SAMMSON: variants seen among roughly 807,000 people sequenced by gnomAD.
SAMMSON encodes survival associated mitochondrial melanoma specific oncogenic non-coding RNA.
intron 4 of SAMMSON, among the ~76,000 whole-genome samples, chr3:70,194,378 T>C (rs1173081114): frequency 6.6e-6 from 1 of 152,256 alleles, no homozygotes. Context: ...TTGTATTTAA[T>C]CAATAACCAC....
intron 4 of SAMMSON, among the ~76,000 whole-genome samples, chr3:70,208,344 G>T (rs1277415681): frequency 6.6e-6 from 1 of 152,024 alleles, no homozygotes; most frequent in Non-Finnish European, 1.5e-5. Context: ...GCAGCTCAGT[G>T]CAAGGAACAT....
At chr3:70,112,295 G>T (rs2067392790) in intron 4 of SAMMSON, among the ~76,000 whole-genome samples, 1 of 152,108 alleles carries the variant, frequency 6.6e-6, no homozygotes, top group African/African-American at 2.4e-5. Flanking sequence ...AATGCTGGGA[G>T]AAAGAACTAT....
At chr3:70,210,606 A>G (rs920299383) in intron 4 of SAMMSON, among the ~76,000 whole-genome samples, 7 of 152,156 alleles carry the variant, frequency 4.6e-5, no homozygotes, top group Admixed American at 1.3e-4. Flanking sequence ...GAAACATAAA[A>G]AGTAGTGTCA....
At chr3:70,125,834 C>G (rs2067455808) in intron 4 of SAMMSON, 1 of 667,282 alleles carries the variant, frequency 1.5e-6, no homozygotes, top group East Asian at 2.7e-5. Context: ...TTTGCTAGTT[C>G]CATTAGTTTG....
chr3:70,232,523 C>G (rs1701570363), intron 4 of SAMMSON, among the ~76,000 whole-genome samples: 1 of 151,950 alleles, frequency 6.6e-6, no homozygotes, highest in Non-Finnish European at 1.5e-5. Context: ...CCTCAGTCTC[C>G]TGAGCAGCTG....
At chr3:70,293,094 G>C (rs1001448928) in intron 7 of SAMMSON, among the ~76,000 whole-genome samples, 1 of 117,748 alleles carries the variant, frequency 8.5e-6, no homozygotes, top group Admixed American at 9.1e-5. Context: ...ATGACGAGAA[G>C]AAAGAAAATT....
intron 2 of SAMMSON, among the ~76,000 whole-genome samples, chr3:70,400,643 G>T (rs547957598): frequency 8.1e-4 from 123 of 152,276 alleles, no homozygotes; most frequent in Non-Finnish European, 1.6e-3. Flanking sequence ...AATTAGAGGT[G>T]GTTGTTGGCT....
At chr3:70,156,501 A>T (rs996422411) in intron 4 of SAMMSON, among the ~76,000 whole-genome samples, 1 of 152,108 alleles carries the variant, frequency 6.6e-6, no homozygotes, top group Non-Finnish European at 1.5e-5. Context: ...TCAATAACTC[A>T]TAATTGATAG....
intron 2 of SAMMSON, among the ~76,000 whole-genome samples, chr3:70,424,147 C>G (rs544677944): frequency 1.3e-5 from 2 of 152,188 alleles, no homozygotes; most frequent in Non-Finnish European, 2.9e-5. Flanking sequence ...GTTTGTGTGG[C>G]TTTTTTAAAC....
In SAMMSON at chr3:70,293,117, A is replaced by C. The variant is rs946807377; in HGVS notation, n.739+1874A>C. 7.3e-5 allele frequency among the ~76,000 whole-genome samples: 11 copies of C among 151,402 alleles called. No homozygotes were observed. The South Asian group carries it at 1.7e-3, about 23-fold the overall frequency. On this transcript the variant is annotated intron_variant and non_coding_transcript_variant, in intron 7 of 9. Transcript: ENST00000642114. The stretch of plus-strand genomic sequence containing the variant: ...AAGAAAGAAAATTCAGTATTCACCA[A>C]CTGCTGCTCTCCCTCCAGCTTTTTA...
At chr3:70,321,777 C>T (rs555311587) in intron 7 of SAMMSON, among the ~76,000 whole-genome samples, 4 of 151,610 alleles carry the variant, frequency 2.6e-5, no homozygotes, top group African/African-American at 7.3e-5. Flanking sequence ...ATAAGGCCTT[C>T]GCTTAACTAA....
At chr3:70,330,185 A>G (rs1391680831) in intron 7 of SAMMSON, among the ~76,000 whole-genome samples, 3 of 151,920 alleles carry the variant, frequency 2.0e-5, no homozygotes, top group Non-Finnish European at 2.9e-5. Context: ...AGAAACTGCA[A>G]AAGTGACCAA....
At chr3:70,255,289 A>G (rs1275923520) in intron 6 of SAMMSON, among the ~76,000 whole-genome samples, 1 of 152,252 alleles carries the variant, frequency 6.6e-6, no homozygotes, top group Non-Finnish European at 1.5e-5. Context: ...ACTTCTATGA[A>G]AAAACATACA....
chr3:70,062,224 C>G (rs2067193339), intron 3 of SAMMSON, among the ~76,000 whole-genome samples: 1 of 152,008 alleles, frequency 6.6e-6, no homozygotes, highest in Non-Finnish European at 1.5e-5. Context: ...TTAAGGAGGC[C>G]TCTCCTGACC....
intron 7 of SAMMSON, among the ~76,000 whole-genome samples, chr3:70,341,265 A>T (rs1702708740): frequency 6.6e-6 from 1 of 152,086 alleles, no homozygotes; most frequent in South Asian, 2.1e-4. Context: ...GAAGAGCCAG[A>T]AGGATTTGCA....
At chr3:70,020,386 C>A (rs1276677348) in intron 3 of SAMMSON, among the ~76,000 whole-genome samples, 1 of 152,026 alleles carries the variant, frequency 6.6e-6, no homozygotes, top group Non-Finnish European at 1.5e-5. Context: ...AGGAAATGAC[C>A]AAAGGAACTG....
At chr3:70,397,452 C>T (rs749095984) in intron 2 of SAMMSON, among the ~76,000 whole-genome samples, 4 of 152,074 alleles carry the variant, frequency 2.6e-5, no homozygotes, top group Admixed American at 6.6e-5. Context: ...CACAGGCACA[C>T]GTCACTATGC....
intron 4 of SAMMSON, among the ~76,000 whole-genome samples, chr3:70,228,834 C>T (rs1209270033): frequency 6.6e-6 from 1 of 151,646 alleles, no homozygotes; most frequent in African/African-American, 2.4e-5. Context: ...CCTCAAAATT[C>T]CTTAATTCCT....
intron 4 of SAMMSON, among the ~76,000 whole-genome samples, chr3:70,160,860 C>T (rs924951962): frequency 3.9e-5 from 6 of 152,060 alleles, no homozygotes; most frequent in Non-Finnish European, 7.4e-5. Context: ...TAGATCTTCT[C>T]AGCAATGTTT....
Sources: allele counts gnomAD v4.1 joint callset (sites outside exome capture counted in the v4.1 genomes callset), GRCh38; gene constraint gnomAD v4.1.1; transcripts MANE v1.5; gene names NCBI Gene and HGNC (gene_info 2026-07-23, HGNC 2026-07-21).